Variants in MTA3 observed in about 807,000 individuals in gnomAD.
MTA3 encodes metastasis associated 1 family member 3.
In MTA3, 34 loss-of-function variants were observed where a neutral mutation model predicts 83.5. The observed-to-expected ratio is 0.41, with a 90% confidence interval of 0.31 to 0.54. MTA3 has a LOEUF of 0.54. MTA3 is among the 20% of genes least tolerant of loss of function. The pLI, the probability that MTA3 is intolerant of heterozygous loss-of-function variation, is 0.33. For synonymous variants in MTA3, 303 were observed against 252.7 expected, an observed-to-expected ratio of 1.20 and a Z score of -1.89; for missense variants, 761 against 726.4, an observed-to-expected ratio of 1.05 and a Z score of -0.55.
At chr2:42,626,206 G>A (rs1322254544) in intron 4 of MTA3, among the ~76,000 whole-genome samples, 1 of 150,776 alleles carries the variant, frequency 6.6e-6, no homozygotes, top group South Asian at 2.1e-4. Context: ...GCCTCCCAAA[G>A]TGCTGGGATT....
intron 3 of MTA3, among the ~76,000 whole-genome samples, chr2:42,591,509 A>G (rs1407232682): frequency 6.6e-6 from 1 of 152,222 alleles, no homozygotes; most frequent in East Asian, 1.9e-4. Context: ...TTTTAACTTC[A>G]TAAACCTTTT....
At chr2:42,527,036 A>G in intron 2 of MTA3, among the ~76,000 whole-genome samples, 1 of 140,596 alleles carries the variant, frequency 7.1e-6, no homozygotes, top group African/African-American at 2.7e-5. Flanking sequence ...CCTGATAACA[A>G]AGCAAGACTC....
At chr2:42,703,586 G>A (rs1372698833) in intron 11 of MTA3, 1 of 152,216 alleles carries the variant, frequency 6.6e-6, no homozygotes, top group Non-Finnish European at 1.5e-5. Context: ...ACGATAACTT[G>A]TCTCTTTCAA....
intron 14 of MTA3, among the ~76,000 whole-genome samples, chr2:42,710,877 G>A (rs1167512633): frequency 6.6e-6 from 1 of 152,054 alleles, no homozygotes; most frequent in African/African-American, 2.4e-5. Context: ...TCAGGAGTTA[G>A]AGACTAGCCT....
Position 42,697,382 on chromosome 2 carries a change from CAGAGAGAG to C in MTA3, c.967-383_967-376del, listed in dbSNP as rs113912244. ...TAATCTCTGAATATTTTTCTAAAAG[CAGAGAGAG>C]AGAGAGAGAGTGAGAGTGTGTGTGT... On this transcript the variant is annotated intron_variant, in intron 10 of 16. Coordinates refer to ENST00000405094, the MANE Select transcript of MTA3 (RefSeq NM_001330442.2). Among the ~76,000 whole-genome samples the C allele has an allele frequency of 2.4e-4, 36 of 149,644 alleles. No homozygotes were observed. In the East Asian group the frequency reaches 5.2e-3, roughly 22 times the overall value.
At chr2:42,654,232 G>A (rs773014510) in intron 6 of MTA3, among the ~76,000 whole-genome samples, 2 of 152,132 alleles carry the variant, frequency 1.3e-5, no homozygotes. Flanking sequence ...TAACAACAGT[G>A]GCCTGACTTA....
intron 2 of MTA3, among the ~76,000 whole-genome samples, chr2:42,531,044 G>A (rs1675940904): frequency 6.6e-6 from 1 of 152,134 alleles, no homozygotes; most frequent in African/African-American, 2.4e-5. Context: ...TGGCCAGGCT[G>A]GTCCTGAACT....
chr2:42,652,262 T>C (rs1172614949), intron 6 of MTA3, among the ~76,000 whole-genome samples: 1 of 152,132 alleles, frequency 6.6e-6, no homozygotes, highest in Non-Finnish European at 1.5e-5. Flanking sequence ...TTGGTCTCTT[T>C]TTCCTGTAAG....
intron 8 of MTA3, among the ~76,000 whole-genome samples, chr2:42,674,344 G>A (rs1382037337): frequency 6.6e-6 from 1 of 152,184 alleles, no homozygotes; most frequent in Non-Finnish European, 1.5e-5. Flanking sequence ...GAATTCCATT[G>A]CCAAGATTTA....
At chr2:42,724,281 C>CACACACAT (rs1667649302) in intron 16 of MTA3, among the ~76,000 whole-genome samples, 1 of 116,126 alleles carries the variant, frequency 8.6e-6, no homozygotes, top group African/African-American at 4.0e-5. Flanking sequence ...CTGAAAAACA[C>CACACACAT]ACACACACAC....
At chr2:42,581,272 C>G (rs1268600204) in intron 3 of MTA3, among the ~76,000 whole-genome samples, 1 of 151,660 alleles carries the variant, frequency 6.6e-6, no homozygotes, top group Non-Finnish European at 1.5e-5. Flanking sequence ...TTTAAAAGCA[C>G]CAGGCTGGTA....
At chr2:42,699,175 T>A (rs1693642040) in intron 11 of MTA3, among the ~76,000 whole-genome samples, 1 of 152,138 alleles carries the variant, frequency 6.6e-6, no homozygotes, top group South Asian at 2.1e-4. Flanking sequence ...GACCTACTGC[T>A]TGTTTTGTGA....
chr2:42,533,520 C>CTTTT (rs763768263), intron 2 of MTA3: 41,679 of 127,882 alleles, frequency 0.33, 6,869 homozygotes, highest in South Asian at 0.39. Flanking sequence ...CTTTTCTTTT[C>CTTTT]TTTTTTTTTT....
At chr2:42,648,870 C>G (rs747188903) in intron 6 of MTA3, among the ~76,000 whole-genome samples, 1 of 152,114 alleles carries the variant, frequency 6.6e-6, no homozygotes, top group African/African-American at 2.4e-5. Flanking sequence ...GAAAATGACT[C>G]TAGGTTCACA....
intron 8 of MTA3, among the ~76,000 whole-genome samples, chr2:42,680,443 A>G (rs1017781369): frequency 1.3e-5 from 2 of 152,204 alleles, no homozygotes; most frequent in African/African-American, 2.4e-5. Context: ...CATTTGTGAA[A>G]TTTTTAATAA....
chr2:42,671,930 C>T (rs1268381355), intron 8 of MTA3, among the ~76,000 whole-genome samples: 1 of 152,118 alleles, frequency 6.6e-6, no homozygotes, highest in Non-Finnish European at 1.5e-5. Flanking sequence ...CTCGATTTCA[C>T]CTTATAGCAG....
chr2:42,576,766 G>C (rs937089336), intron 2 of MTA3, among the ~76,000 whole-genome samples: 1 of 151,362 alleles, frequency 6.6e-6, no homozygotes, highest in Non-Finnish European at 1.5e-5. Context: ...GCATGGTGGC[G>C]CATGCCTGTA....
intron 2 of MTA3, among the ~76,000 whole-genome samples, chr2:42,507,612 A>AT (rs1490295117): frequency 6.6e-6 from 1 of 151,282 alleles, no homozygotes; most frequent in Non-Finnish European, 1.5e-5. Context: ...GTGTGAAAAG[A>AT]TTATGTTTTT....
At chr2:42,527,804 AT>A (rs923411093) in intron 2 of MTA3, among the ~76,000 whole-genome samples, 4 of 151,688 alleles carry the variant, frequency 2.6e-5, no homozygotes, top group Non-Finnish European at 5.9e-5. Context: ...AGCCTGGTCA[AT>A]ATAATAGGAT....
Sources: allele counts gnomAD v4.1 joint callset (sites outside exome capture counted in the v4.1 genomes callset), GRCh38; gene constraint gnomAD v4.1.1; transcripts MANE v1.5; gene names NCBI Gene and HGNC (gene_info 2026-07-23, HGNC 2026-07-21).